Variants in WFS1 observed in about 807,000 individuals in gnomAD.
WFS1 encodes the protein wolframin ER transmembrane glycoprotein.
A neutral mutation model predicts 68.5 loss-of-function variants in WFS1; 90 were observed. The ratio of observed to expected loss-of-function variants is 1.31; its 90% CI spans 1.11 to 1.56. WFS1 has a LOEUF of 1.56. Ranked by LOEUF, WFS1 falls within the 40% of genes most tolerant of loss-of-function variation. WFS1 has a pLI of 0.00. For missense variants in WFS1, 1,767 were observed against 1,232.6 expected, an observed-to-expected ratio of 1.43 and a Z score of -6.49; for synonymous variants, 860 against 540.7, an observed-to-expected ratio of 1.59 and a Z score of -8.19.
chr4:6,277,813 A>C, intron 2 of WFS1, 126 bp downstream of exon 2: 1 of 1,140,968 alleles, frequency 8.8e-7, no homozygotes, highest in Non-Finnish European at 1.3e-6. Context: ...TGCAGCTCCC[A>C]TGCTGTGCAC....
Position 6,302,003 on chromosome 4 carries a change from C to G in WFS1, c.2208C>G (p.Gly736=). ...GCGACTGGATGCGCTGCCTCTACGG[C>G]GAGGCCTACCCTGCCTGCAGCCCTG... ...FIGDWMRCLY[G]EAYPACSPGN... The change falls in exon 8 of 8, where the codon GGC becomes GGG. Residue 736 remains glycine, a synonymous_variant. Coordinates refer to ENST00000226760, the MANE Select transcript of WFS1 (RefSeq NM_006005.3). 1 of 1,612,628 alleles carries G rather than the reference C, an allele frequency of 6.2e-7. No homozygotes were observed.
intron 7 of WFS1, among the ~76,000 whole-genome samples, chr4:6,297,746 A>G (rs1256107737): frequency 6.6e-6 from 1 of 152,092 alleles, no homozygotes; most frequent in Admixed American, 6.6e-5. Context: ...CATAGTTTTT[A>G]AGTTTCGTTC....
At chr4:6,280,226 TTGTC>T (rs1261942351) in intron 2 of WFS1, among the ~76,000 whole-genome samples, 1 of 152,114 alleles carries the variant, frequency 6.6e-6, no homozygotes, top group Non-Finnish European at 1.5e-5. Context: ...CTGAGAGGTG[TTGTC>T]TGTCCTGATT....
chr4:6,289,474 T>C (rs1478840331), intron 4 of WFS1, among the ~76,000 whole-genome samples: 1 of 152,252 alleles, frequency 6.6e-6, no homozygotes, highest in Non-Finnish European at 1.5e-5. Flanking sequence ...GAGACTGTAA[T>C]GTGGCCTGCA....
intron 3 of WFS1, 106 bp from the exon 4 acceptor site, chr4:6,288,881 T>C: frequency 6.6e-7 from 1 of 1,521,922 alleles, no homozygotes; most frequent in Non-Finnish European, 8.9e-7. Flanking sequence ...CCTTCCTTCC[T>C]GGCCTGGGTG....
intron 1 of WFS1, among the ~76,000 whole-genome samples, chr4:6,275,040 C>T (rs1405762539): frequency 6.6e-6 from 1 of 152,096 alleles, no homozygotes; most frequent in African/African-American, 2.4e-5. Flanking sequence ...TCTGGGATGA[C>T]AATAGGATCT....
At chr4:6,277,333 T>G in intron 1 of WFS1, 118 bp from the exon 2 acceptor site, 2 of 949,780 alleles carry the variant, frequency 2.1e-6, no homozygotes, top group African/African-American at 1.6e-5. Flanking sequence ...CGAGATCCTG[T>G]ATGGAGTGTC....
intron 5 of WFS1, among the ~76,000 whole-genome samples, chr4:6,291,698 A>G (rs899643288): frequency 6.6e-6 from 1 of 152,196 alleles, no homozygotes; most frequent in African/African-American, 2.4e-5. Context: ...GTCCATCACC[A>G]AGTGGGAGCA....
chr4:6,296,228 G>C (rs1469956082), intron 7 of WFS1, among the ~76,000 whole-genome samples: 1 of 152,218 alleles, frequency 6.6e-6, no homozygotes, highest in East Asian at 1.9e-4. Flanking sequence ...TGGGGGGGAA[G>C]AGCAGGAACC....
At chr4:6,277,068 G>A (rs567512100) in intron 1 of WFS1, among the ~76,000 whole-genome samples, 2 of 152,252 alleles carry the variant, frequency 1.3e-5, no homozygotes, top group African/African-American at 4.8e-5. Flanking sequence ...ATGATGTGGG[G>A]CCCAATTCAG....
rs752100338 is a variant in WFS1 at position 6,301,085 on chromosome 4, G to C, written c.1290G>C (p.Ser430=). 4 of 1,613,992 alleles carry C rather than the reference G, an allele frequency of 2.5e-6. No homozygotes were observed. Among genetic ancestry groups the C allele is most frequent in the East Asian group, 2.2e-5 (1 of 44,868 alleles). Residue 430 remains serine (S), a synonymous_variant, in exon 8 of 8, where the codon TCG becomes TCC. Coordinates refer to ENST00000226760, the MANE Select transcript of WFS1 (RefSeq NM_006005.3). The part of the protein sequence containing the change: ...PIASKDCIPC[S]ELAVITGFFT... ...CCAGCAAGGACTGCATCCCCTGCTC[G>C]GAGCTGGCTGTCATCACCGGCTTCT...
At chr4:6,270,421 G>T (rs1450102602) in intron 1 of WFS1, among the ~76,000 whole-genome samples, 1 of 151,498 alleles carries the variant, frequency 6.6e-6, no homozygotes, top group African/African-American at 2.4e-5. Flanking sequence ...CGCCCTCGGT[G>T]CCCGCCCGGC....
At position 6,301,845 on chromosome 4, in the gene WFS1, G is replaced by A. The variant is rs1412819148; in HGVS notation, c.2050G>A (p.Ala684Thr). The change falls in exon 8 of 8, where the codon GCG (alanine) becomes ACG (threonine). Residue 684 changes from alanine (A) to threonine (T), a missense_variant. Physicochemically the swap from Ala to Thr is moderately conservative, Grantham distance 58. Coordinates refer to ENST00000226760, the MANE Select transcript of WFS1 (RefSeq NM_006005.3). The part of the protein sequence containing the change: ...GPRAWKETNM[A>T]RTQILCSHLE... Reference sequence around the variant, plus strand: ...ACGCGCCTGGAAGGAGACCAACATGGCGCGCACCCAGATCCTCTGCAGCCA... The same window carrying A: ...ACGCGCCTGGAAGGAGACCAACATGACGCGCACCCAGATCCTCTGCAGCCA... 1 of 1,612,930 alleles carries A rather than the reference G, an allele frequency of 6.2e-7. No homozygotes were observed. Among genetic ancestry groups the A allele is most frequent in the Admixed American group, 1.7e-5 (1 of 60,016 alleles).
chr4:6,282,516 A>T (rs544619033), intron 2 of WFS1, among the ~76,000 whole-genome samples: 34 of 152,252 alleles, frequency 2.2e-4, no homozygotes, highest in African/African-American at 7.5e-4. Context: ...AGACGGGAGG[A>T]TTACATCATA....
At position 6,291,950 on chromosome 4, in the gene WFS1, C is replaced by A. The variant is rs1730476522; in HGVS notation, c.665C>A (p.Ser222Tyr). 1 of 1,611,396 alleles carries A rather than the reference C, an allele frequency of 6.2e-7. No individual in the cohort carries two copies. Among genetic ancestry groups the A allele is most frequent in the Non-Finnish European group, 8.5e-7 (1 of 1,179,442 alleles). Residue 222 changes from serine to tyrosine, a missense_variant, in exon 6 of 8, where the codon TCC (serine) becomes TAC (tyrosine). Coordinates refer to ENST00000226760, the MANE Select transcript of WFS1 (RefSeq NM_006005.3). ...GGAQPGPVPK[S>Y]LQKQRRMLER... ...GCGCAGCCAGGCCCCGTGCCCAAGTCCCTGCAGAAGCAGAGGCGCATGCTG... is the reference window on the plus strand; with the variant it reads ...GCGCAGCCAGGCCCCGTGCCCAAGTACCTGCAGAAGCAGAGGCGCATGCTG...
In WFS1 at chr4:6,302,806, T is replaced by A; in HGVS notation, c.*338T>A. 2.4e-6 allele frequency: 1 copy of A among 424,968 alleles called. No homozygotes were observed. Among genetic ancestry groups the A allele is most frequent in the South Asian group, 3.3e-5 (1 of 30,762 alleles). The allele number at this position is 424,968 out of a possible 1,614,324, so 26.3% of individuals were successfully genotyped here. A position where few individuals can be genotyped will look rare whatever the true frequency, so the allele number is the denominator to read the frequency against. ...ATGAGATTCCCTCTCCTCCCCCACC[T>A]TCAAGCACCCTGTTCCCTCTTTCTT... On this transcript the variant is annotated 3_prime_UTR_variant, in exon 8 of 8. Transcript: ENST00000226760.
At chr4:6,295,307 T>C (rs1730605964) in intron 7 of WFS1, 118 bp downstream of exon 7, 8 of 1,253,098 alleles carry the variant, frequency 6.4e-6, no homozygotes, top group Non-Finnish European at 9.1e-6. Context: ...AAAGAGTGTC[T>C]TACAGCCGTG....
Position 6,293,700 on chromosome 4 carries a change from C to G in WFS1, c.713-1341C>G, listed in dbSNP as rs6838400. ...TAGACTGATGTCCTGTCTCTCAGGACAGGACATCCTGCCCAAGGTATTCAT... is the reference window on the plus strand; with the variant it reads ...TAGACTGATGTCCTGTCTCTCAGGAGAGGACATCCTGCCCAAGGTATTCAT... On this transcript the variant is annotated intron_variant, in intron 6 of 7. Coordinates refer to ENST00000226760, the MANE Select transcript of WFS1 (RefSeq NM_006005.3). Among the ~76,000 whole-genome samples the G allele has an allele frequency of 0.64, 97,344 of 152,144 alleles. 31,746 individuals are homozygous for G. The highest frequency in any genetic ancestry group is 0.94 in the East Asian group (4,843 of 5,178).
At chr4:6,275,412 C>A (rs1288304103) in intron 1 of WFS1, among the ~76,000 whole-genome samples, 1 of 152,184 alleles carries the variant, frequency 6.6e-6, no homozygotes, top group South Asian at 2.1e-4. Context: ...ACTAAGGGGA[C>A]ACTTAGGTCT....
Sources: allele counts gnomAD v4.1 joint callset (sites outside exome capture counted in the v4.1 genomes callset), GRCh38; gene constraint gnomAD v4.1.1; transcripts MANE v1.5; gene names NCBI Gene and HGNC (gene_info 2026-07-23, HGNC 2026-07-21).